The following SPINK14 variants were observed in gnomAD, a reference collection of about 807,000 sequenced individuals.
The protein encoded by SPINK14 is serine protease inhibitor Kazal-type 14.
In SPINK14, 6 loss-of-function variants were observed where a neutral mutation model predicts 14.2. The ratio of observed to expected loss-of-function variants is 0.42; its 90% confidence interval spans 0.23 to 0.83. SPINK14 has a LOEUF of 0.83. SPINK14 is among the 40% of genes least tolerant of loss of function. SPINK14 has a pLI of 0.28. For synonymous variants in SPINK14, 34 were observed against 36.8 expected, an observed-to-expected ratio of 0.92 and a Z score of 0.27; for missense variants, 86 against 108.3, an observed-to-expected ratio of 0.79 and a Z score of 0.91.
At position 148,168,571 on chromosome 5, in the gene SPINK14, G is replaced by A. The variant is rs371750005; in HGVS notation, c.-73+4G>A. On this transcript the variant is annotated splice_donor_region_variant and intron_variant, in intron 1 of 4. Coordinates refer to ENST00000356972, the MANE Select transcript of SPINK14 (RefSeq NM_001001325.2). ...TTCCTTTTCTCTTCTTTCTGAGGTG[G>A]GTCAGCTGTGACATGAGGGATGGAG... Among the ~76,000 whole-genome samples, 2 of 152,048 alleles carry A rather than the reference G, an allele frequency of 1.3e-5. No individual in the cohort carries two copies.
chr5:148,174,479 C>A, intron 4 of SPINK14, 109 bp downstream of exon 4: 1 of 627,990 alleles, frequency 1.6e-6, no homozygotes, highest in Non-Finnish European at 2.5e-6. Flanking sequence ...GAATTTGCTC[C>A]AGTTCACACA....
At chr5:148,168,633 T>C (rs1433199856) in intron 1 of SPINK14, among the ~76,000 whole-genome samples, 66 bp downstream of exon 1, 3 of 149,830 alleles carry the variant, frequency 2.0e-5, no homozygotes, top group Non-Finnish European at 4.5e-5. Context: ...GTTTTCTGGC[T>C]GCAGCTGAAC....
chr5:148,170,313 G>A (rs1755088445), intron 2 of SPINK14, among the ~76,000 whole-genome samples: 1 of 151,726 alleles, frequency 6.6e-6, no homozygotes, highest in Admixed American at 6.6e-5. Flanking sequence ...GGGCAAGGAG[G>A]CTTGGGTGAC....
At chr5:148,172,684 CAG>C (rs1438562774) in intron 3 of SPINK14, among the ~76,000 whole-genome samples, 38 of 151,990 alleles carry the variant, frequency 2.5e-4, no homozygotes, top group Non-Finnish European at 4.6e-4. Flanking sequence ...AAATAAATAA[CAG>C]AGAGTTGTGA....
At chr5:148,171,878 C>T (rs1372892423) in intron 3 of SPINK14, among the ~76,000 whole-genome samples, 1 of 152,062 alleles carries the variant, frequency 6.6e-6, no homozygotes, top group African/African-American at 2.4e-5. Flanking sequence ...TTTTCTTCTG[C>T]AGAAATTTAC....
intron 3 of SPINK14, among the ~76,000 whole-genome samples, chr5:148,172,330 G>A (rs1215890767): frequency 6.6e-6 from 1 of 152,110 alleles, no homozygotes; most frequent in Non-Finnish European, 1.5e-5. Context: ...AGTGGCGGAT[G>A]CTACAGTGAG....
chr5:148,169,923 T>C, intron 2 of SPINK14, 124 bp downstream of exon 2: 1 of 478,652 alleles, frequency 2.1e-6, no homozygotes, highest in Non-Finnish European at 3.5e-6. Context: ...TATGTGTATA[T>C]ATATATAAAT....
intron 3 of SPINK14, among the ~76,000 whole-genome samples, chr5:148,173,064 A>G (rs1317059709): frequency 6.6e-6 from 1 of 152,082 alleles, no homozygotes; most frequent in Non-Finnish European, 1.5e-5. Flanking sequence ...GGAAATAAGG[A>G]ATAAAGGAAA....
chr5:148,173,343 T>G (rs930279011), intron 3 of SPINK14, among the ~76,000 whole-genome samples: 5 of 152,086 alleles, frequency 3.3e-5, no homozygotes, highest in Admixed American at 6.6e-5. Context: ...AGAGGAGAAC[T>G]TCCCCCTGAA....
intron 4 of SPINK14, 138 bp from the exon 5 acceptor site, chr5:148,175,215 T>G: frequency 1.6e-5 from 2 of 127,528 alleles, no homozygotes; most frequent in East Asian, 9.9e-5. Flanking sequence ...TCTTTTGTCA[T>G]TAGTCAATTC....
At chr5:148,174,012 A>AG (rs2113283505) in intron 3 of SPINK14, among the ~76,000 whole-genome samples, 1 of 91,256 alleles carries the variant, frequency 1.1e-5, no homozygotes, top group East Asian at 2.6e-4. Context: ...GGCTAATTAA[A>AG]AAAAAAAAAA....
intron 3 of SPINK14, among the ~76,000 whole-genome samples, chr5:148,171,466 G>A (rs547313360): frequency 4.6e-5 from 7 of 152,244 alleles, no homozygotes; most frequent in Non-Finnish European, 7.4e-5. Context: ...AACTATGTTT[G>A]CAACTTGGAT....
intron 2 of SPINK14, 78 bp downstream of exon 2, chr5:148,169,877 T>A: frequency 6.8e-6 from 8 of 1,169,150 alleles, no homozygotes; most frequent in Non-Finnish European, 9.8e-6. Context: ...GAGAGAATGC[T>A]TTGAAATTGT....
rs1485432478 is a variant in SPINK14, at chr5:148,169,753, A to G, written c.21A>G (p.Val7=). The change falls in exon 2 of 5, where the codon GTA becomes GTG. Residue 7 remains valine (V), a synonymous_variant. Coordinates refer to ENST00000356972, the MANE Select transcript of SPINK14 (RefSeq NM_001001325.2). ...GAAAAATGGCCAAATCTTTCCCAGT[A>G]TTCTCACTTTTGTCCTTTATCTTGA... MAKSFP[V]FSLLSFILIH... 16 of 1,605,984 alleles carry G rather than the reference A, an allele frequency of 1.0e-5. No homozygotes were observed. The highest frequency in any genetic ancestry group is 1.4e-5 in the Non-Finnish European group (16 of 1,176,146).
At chr5:148,172,668 G>A (rs542440620) in intron 3 of SPINK14, among the ~76,000 whole-genome samples, 1 of 152,040 alleles carries the variant, frequency 6.6e-6, no homozygotes, top group South Asian at 2.1e-4. Flanking sequence ...CTGATTAAAA[G>A]TATAAAAATA....
chr5:148,169,866 A>G (rs1755077273), intron 2 of SPINK14, 67 bp downstream of exon 2: 3 of 1,305,102 alleles, frequency 2.3e-6, no homozygotes, highest in Middle Eastern at 1.9e-4. Flanking sequence ...TCATAATCTG[A>G]GAGAGAATGC....
chr5:148,175,246 GT>G (rs1412530896), intron 4 of SPINK14, 106 bp from the exon 5 acceptor site: 4 of 748,232 alleles, frequency 5.3e-6, no homozygotes, highest in African/African-American at 1.8e-5. Context: ...CTGGATCTTA[GT>G]TTTTCCAAAT....
intron 2 of SPINK14, 41 bp from the exon 3 acceptor site, chr5:148,170,889 A>G: frequency 6.4e-7 from 1 of 1,566,620 alleles, no homozygotes; most frequent in Non-Finnish European, 8.8e-7. Context: ...CTATGATTTA[A>G]CAGGAATTAA....
chr5:148,170,388 A>G (rs1755089302), intron 2 of SPINK14, among the ~76,000 whole-genome samples: 1 of 151,924 alleles, frequency 6.6e-6, no homozygotes, highest in Admixed American at 6.6e-5. Context: ...ACATCTGGAA[A>G]ATTTAGAGTG....
Sources: allele counts gnomAD v4.1 joint callset (sites outside exome capture counted in the v4.1 genomes callset), GRCh38; gene constraint gnomAD v4.1.1; transcripts MANE v1.5; gene names NCBI Gene and HGNC (gene_info 2026-07-23, HGNC 2026-07-21).